Variants in FAM53B observed in about 807,000 individuals in gnomAD.
The protein encoded by FAM53B is protein FAM53B.
FAM53B carries 12 observed loss-of-function variants against 32.7 expected under a neutral mutation model. That is an observed-to-expected ratio of 0.37 (90% CI 0.24 to 0.59). The LOEUF (loss-of-function observed/expected upper bound fraction) is 0.59, where lower values mean the gene tolerates loss of function less well. FAM53B is among the 20% of genes least tolerant of loss of function. The probability of loss-of-function intolerance (pLI) is 0.72; values close to 1 mark genes in which losing one functional copy is unlikely to be tolerated. For synonymous variants in FAM53B, 234 were observed against 228.7 expected (o/e 1.02, Z -0.21); for missense variants, 477 against 577.7 (o/e 0.83, Z 1.79).
chr10:124,724,773 T>C (rs1950091801), intron 1 of FAM53B, among the ~76,000 whole-genome samples: 1 of 152,180 alleles, frequency 6.6e-6, no homozygotes. Flanking sequence ...AATTGTGTTC[T>C]CCCTTGGGGA....
intron 4 of FAM53B, among the ~76,000 whole-genome samples, chr10:124,657,044 ATATATATG>A (rs1168350084): frequency 8.3e-5 from 12 of 144,536 alleles, no homozygotes; most frequent in African/African-American, 2.0e-4. Context: ...ATAAATATAT[ATATATATG>A]TATATATGTA....
At chr10:124,722,409 T>C (rs1426308010) in intron 1 of FAM53B, among the ~76,000 whole-genome samples, 1 of 152,134 alleles carries the variant, frequency 6.6e-6, no homozygotes, top group Non-Finnish European at 1.5e-5. Flanking sequence ...TAGTGCTAAG[T>C]AGAAAAGCAA....
intron 2 of FAM53B, among the ~76,000 whole-genome samples, chr10:124,698,606 G>A (rs1457070872): frequency 6.6e-6 from 1 of 152,124 alleles, no homozygotes; most frequent in Admixed American, 6.5e-5. Context: ...CATTCAATGA[G>A]GACTTATCAG....
At chr10:124,626,951 G>T (rs1488817065) in intron 4 of FAM53B, among the ~76,000 whole-genome samples, 1 of 152,236 alleles carries the variant, frequency 6.6e-6, no homozygotes, top group Non-Finnish European at 1.5e-5. Flanking sequence ...TGAAGCAGGG[G>T]GAGTCTACAA....
In FAM53B at chr10:124,682,042, G is replaced by A. The variant is rs780658603; in HGVS notation, c.471C>T (p.Asn157=). The part of the protein sequence containing the change: ...YSGGSVQRYS[N]GFSTMQRSSS... The stretch of plus-strand genomic sequence containing the variant: ...AACTCCTCTGCATGGTGCTGAAGCC[G>A]TTGGAATAGCGCTGGACGCTGCCCC... Residue 157 remains asparagine (N), a synonymous_variant, in exon 4 of 5, where the codon AAC becomes AAT. Coordinates refer to ENST00000337318, the MANE Select transcript of FAM53B (RefSeq NM_014661.4). The surrounding 1 kb of genome is among the most constrained non-coding windows in gnomAD (Gnocchi z 5.2). 1.8e-5 allele frequency: 29 copies of A among 1,613,528 alleles called. No individual in the cohort carries two copies. The highest frequency in any genetic ancestry group is 1.1e-4 in the East Asian group (5 of 44,878).
intron 4 of FAM53B, among the ~76,000 whole-genome samples, chr10:124,660,315 C>G (rs956518932): frequency 3.9e-5 from 6 of 152,204 alleles, no homozygotes; most frequent in African/African-American, 1.4e-4. Context: ...GAGGGCAACA[C>G]AAGACAGCTT....
chr10:124,693,966 A>C (rs923813286), intron 3 of FAM53B, among the ~76,000 whole-genome samples: 1 of 152,266 alleles, frequency 6.6e-6, no homozygotes, highest in Admixed American at 6.5e-5. Flanking sequence ...AACAAACTGC[A>C]GTCAGTGAAA....
chr10:124,720,903 A>C (rs1232934394), intron 1 of FAM53B, among the ~76,000 whole-genome samples: 1 of 152,208 alleles, frequency 6.6e-6, no homozygotes, highest in Non-Finnish European at 1.5e-5. Flanking sequence ...GGGACCGCTA[A>C]AGTTCAGAAA....
At chr10:124,716,124 C>A (rs1246224095) in intron 1 of FAM53B, among the ~76,000 whole-genome samples, 1 of 152,240 alleles carries the variant, frequency 6.6e-6, no homozygotes, top group Non-Finnish European at 1.5e-5. Flanking sequence ...GGCATACTCA[C>A]CCCTTCCTCA....
chr10:124,623,792 C>A (rs763513184), intron 4 of FAM53B, 188 bp from the exon 5 acceptor site: 75 of 597,840 alleles, frequency 1.3e-4, no homozygotes, highest in Non-Finnish European at 2.0e-4. Context: ...GGCCAATGAG[C>A]GCTCTGTGCT....
At chr10:124,739,966 CAAAA>C (rs577619009) in intron 1 of FAM53B, among the ~76,000 whole-genome samples, 1 of 151,114 alleles carries the variant, frequency 6.6e-6, no homozygotes, top group Non-Finnish European at 1.5e-5. Flanking sequence ...AACAAACAAA[CAAAA>C]AAAACGACAA....
chr10:124,699,859 A>C (rs747022823), intron 2 of FAM53B, among the ~76,000 whole-genome samples: 1 of 152,108 alleles, frequency 6.6e-6, no homozygotes, highest in Non-Finnish European at 1.5e-5. Context: ...ACCTGCTTCT[A>C]AAGTCCTCCC....
intron 4 of FAM53B, among the ~76,000 whole-genome samples, chr10:124,639,126 A>G (rs1486236646): frequency 1.3e-5 from 2 of 152,134 alleles, no homozygotes; most frequent in Non-Finnish European, 2.9e-5. Flanking sequence ...CCGTCTCTCT[A>G]ACCCAATGTG....
At position 124,634,361 on chromosome 10, in the gene FAM53B, C is replaced by T. The variant is rs1257151626; in HGVS notation, c.907-10757G>A. ...GAAATGTCCAGAATAGGGAAACCCA[C>T]TGATACGGTTTGGCTGTGTCCCCAC... is the stretch of plus-strand genomic sequence containing the variant. On this transcript the variant is annotated intron_variant, in intron 4 of 4. Transcript: ENST00000337318. Among the ~76,000 whole-genome samples the T allele has an allele frequency of 3.9e-5, 6 of 152,372 alleles. No homozygotes were observed. The East Asian group carries it at 1.2e-3, about 29-fold the overall frequency.
At chr10:124,694,879 G>A (rs1280701279) in intron 3 of FAM53B, among the ~76,000 whole-genome samples, 1 of 152,204 alleles carries the variant, frequency 6.6e-6, no homozygotes, top group African/African-American at 2.4e-5. Context: ...CAGAGCCATG[G>A]CAGGTGGTTG....
chr10:124,723,961 G>A (rs566973540), intron 1 of FAM53B, among the ~76,000 whole-genome samples: 7 of 152,274 alleles, frequency 4.6e-5, no homozygotes, highest in South Asian at 2.1e-4. Flanking sequence ...ATTTCCTCCC[G>A]GTATCAGTCT....
At chr10:124,638,476 ACTGCC>A (rs1949448281) in intron 4 of FAM53B, among the ~76,000 whole-genome samples, 1 of 152,222 alleles carries the variant, frequency 6.6e-6, no homozygotes, top group Non-Finnish European at 1.5e-5. Context: ...GGGAAATAAA[ACTGCC>A]CTAGAGGGGC....
chr10:124,659,829 G>A (rs147621341), intron 4 of FAM53B, among the ~76,000 whole-genome samples: 34 of 152,276 alleles, frequency 2.2e-4, no homozygotes, highest in African/African-American at 6.7e-4. Context: ...TTTTTGAGAC[G>A]GAGTCTCGCT....
chr10:124,735,128 T>C (rs920014695), intron 1 of FAM53B, among the ~76,000 whole-genome samples: 7 of 152,002 alleles, frequency 4.6e-5, no homozygotes, highest in African/African-American at 1.7e-4. Flanking sequence ...TCCCCCAACG[T>C]GAGAGGAAGA....
Sources: allele counts gnomAD v4.1 joint callset (sites outside exome capture counted in the v4.1 genomes callset), GRCh38; gene constraint gnomAD v4.1.1; non-coding constraint Gnocchi (gnomAD v3.1); transcripts MANE v1.5; gene names NCBI Gene and HGNC (gene_info 2026-07-23, HGNC 2026-07-21).